Variants in DPP6 observed in about 807,000 individuals in gnomAD.
The protein encoded by DPP6 is A-type potassium channel modulatory protein DPP6.
In DPP6, 69 loss-of-function variants were observed where a neutral mutation model predicts 122.6. The ratio of observed to expected loss-of-function variants is 0.56; its 90% CI spans 0.46 to 0.69. The LOEUF is 0.69. DPP6 is among the 30% of genes least tolerant of loss of function. The probability of loss-of-function intolerance (pLI) is 0.00; values close to 1 mark genes in which losing one functional copy is unlikely to be tolerated. For synonymous variants in DPP6, 418 were observed against 433.1 expected (o/e 0.97, Z 0.43); for missense variants, 928 against 1,116.9 (o/e 0.83, Z 2.41).
chr7:154,747,323 A>G (rs1186201424), intron 8 of DPP6, among the ~76,000 whole-genome samples: 1 of 152,240 alleles, frequency 6.6e-6, no homozygotes, highest in African/African-American at 2.4e-5. Context: ...AGAAGGTTGC[A>G]AACCTGCAAT....
chr7:154,703,901 C>T (rs1002058954), intron 7 of DPP6, among the ~76,000 whole-genome samples: 8 of 151,368 alleles, frequency 5.3e-5, no homozygotes, highest in Admixed American at 1.3e-4. Context: ...CGCGCCACTG[C>T]GCTCCAGCCT....
chr7:154,269,151 C>A (rs1327582498), intron 1 of DPP6, among the ~76,000 whole-genome samples: 1 of 151,444 alleles, frequency 6.6e-6, no homozygotes, highest in Admixed American at 6.6e-5. Flanking sequence ...TTCATCAATT[C>A]TCAAAACAAC....
intron 4 of DPP6, among the ~76,000 whole-genome samples, chr7:154,563,081 G>A (rs117560856): frequency 8.5e-5 from 13 of 152,250 alleles, no homozygotes; most frequent in South Asian, 2.1e-4. Context: ...ATAAAAAGTC[G>A]GAGGCAAGGC....
rs576863055 is a variant in DPP6 at position 154,581,126 on chromosome 7, C to T, written c.627+14210C>T. On this transcript the variant is annotated intron_variant, in intron 5 of 25. Coordinates refer to ENST00000377770, the MANE Select transcript of DPP6 (RefSeq NM_130797.4). Reference sequence around the variant, plus strand: ...GGCAGGGGTTAGGGAAGCAAAGGAACTGGAAACCTGTGTCCGCTGAATTGC... The same window carrying T: ...GGCAGGGGTTAGGGAAGCAAAGGAATTGGAAACCTGTGTCCGCTGAATTGC... Among the ~76,000 whole-genome samples the T allele has an allele frequency of 3.9e-5, 6 of 152,258 alleles. No homozygotes were observed. The South Asian group carries it at 1.2e-3, about 32-fold the overall frequency.
chr7:154,291,358 G>T (rs2150965020), intron 1 of DPP6, among the ~76,000 whole-genome samples: 1 of 152,270 alleles, frequency 6.6e-6, no homozygotes, highest in Non-Finnish European at 1.5e-5. Context: ...ACTTGTGATG[G>T]TAAGGACACA....
At chr7:154,010,150 C>T (rs570221012) in intron 1 of DPP6, among the ~76,000 whole-genome samples, 35 of 152,256 alleles carry the variant, frequency 2.3e-4, no homozygotes, top group African/African-American at 7.7e-4. Flanking sequence ...TTGAACAACC[C>T]GGATTCTTGT....
chr7:153,860,294 T>C, the DPP6 span, among the ~76,000 whole-genome samples: 1 of 152,186 alleles, frequency 6.6e-6, no homozygotes, highest in African/African-American at 2.4e-5. Flanking sequence ...AGGCCCCTCA[T>C]TGTACCCTTC....
chr7:154,664,256 C>G (rs956694555), intron 6 of DPP6, among the ~76,000 whole-genome samples: 6 of 152,220 alleles, frequency 3.9e-5, no homozygotes, highest in African/African-American at 1.4e-4. Context: ...CATGGTGAAT[C>G]ACCATGGCGT....
chr7:154,231,045 A>G (rs762952626), intron 1 of DPP6, among the ~76,000 whole-genome samples: 1 of 152,208 alleles, frequency 6.6e-6, no homozygotes, highest in Non-Finnish European at 1.5e-5. Flanking sequence ...TAGAATTTGA[A>G]TGCTGCATCT....
At chr7:154,888,122 T>C (rs1449696720) in intron 23 of DPP6, among the ~76,000 whole-genome samples, 1 of 142,416 alleles carries the variant, frequency 7.0e-6, no homozygotes, top group Non-Finnish European at 1.5e-5. Flanking sequence ...GGAGTCTTGC[T>C]CCATTGCCCA....
intron 1 of DPP6, among the ~76,000 whole-genome samples, chr7:154,366,065 T>A (rs868217772): frequency 6.6e-6 from 1 of 152,104 alleles, no homozygotes; most frequent in African/African-American, 2.4e-5. Flanking sequence ...TAGACTCCTC[T>A]TGCAGCACCT....
chr7:154,050,441 G>A (rs2628696), upstream of DPP6, among the ~76,000 whole-genome samples: 6 of 152,066 alleles, frequency 3.9e-5, no homozygotes, highest in East Asian at 5.8e-4. Context: ...CATAGATAGC[G>A]TATGTATATT....
chr7:154,180,737 A>G (rs1435271177), intron 1 of DPP6, among the ~76,000 whole-genome samples: 1 of 151,962 alleles, frequency 6.6e-6, no homozygotes, highest in African/African-American at 2.4e-5. Flanking sequence ...AATTCTTGCT[A>G]GGAAGAAGTA....
At chr7:153,829,453 A>G in the DPP6 span, among the ~76,000 whole-genome samples, 1 of 152,048 alleles carries the variant, frequency 6.6e-6, no homozygotes, top group African/African-American at 2.4e-5. Flanking sequence ...TGACTTCATG[A>G]TCTGCCCACG....
chr7:154,700,983 C>A (rs1181080099), intron 7 of DPP6, among the ~76,000 whole-genome samples: 1 of 152,084 alleles, frequency 6.6e-6, no homozygotes, highest in African/African-American at 2.4e-5. Context: ...AAACACTTAA[C>A]CCTCCACCCT....
intron 1 of DPP6, among the ~76,000 whole-genome samples, chr7:154,065,471 GC>G (rs1802638691): frequency 6.6e-6 from 1 of 151,580 alleles, no homozygotes; most frequent in African/African-American, 2.4e-5. Flanking sequence ...AACAGGAAGG[GC>G]CCAAGGAAAA....
the DPP6 span, among the ~76,000 whole-genome samples, chr7:153,827,349 G>A: frequency 4.6e-5 from 7 of 152,092 alleles, no homozygotes; most frequent in African/African-American, 7.2e-5. Context: ...CTGGGTAGAC[G>A]GAGTAGACAT....
chr7:153,855,127 T>C, the DPP6 span, among the ~76,000 whole-genome samples: 6 of 142,668 alleles, frequency 4.2e-5, 1 homozygote, highest in South Asian at 1.5e-3. Flanking sequence ...TTGGGAGATA[T>C]ACCTAATGCT....
chr7:154,255,407 T>C (rs1237254347), intron 1 of DPP6, among the ~76,000 whole-genome samples: 1 of 152,186 alleles, frequency 6.6e-6, no homozygotes, highest in African/African-American at 2.4e-5. Flanking sequence ...TCCAGCAGTG[T>C]GGAGAGGAAG....
Sources: gnomAD v4.1 joint callset for allele counts (sites outside exome capture counted in the v4.1 genomes callset) on GRCh38, gnomAD v4.1.1 for gene constraint, MANE v1.5 for transcripts, NCBI Gene and HGNC (gene_info 2026-07-23, HGNC 2026-07-21) for gene names.